The following SH3TC1 variants were observed in gnomAD, a reference collection of about 807,000 sequenced individuals.
SH3TC1 encodes the protein SH3 domain and tetratricopeptide repeats 1, also known as SH3 domain and tetratricopeptide repeat-containing protein 1.
Under a neutral mutation model 117.3 loss-of-function variants are expected in SH3TC1, and 135 were observed. The ratio of observed to expected loss-of-function variants is 1.15; its 90% CI spans 1.00 to 1.33. The LOEUF is 1.33. Among genes scored for constraint, SH3TC1 ranks in the 40% most tolerant of loss-of-function variants. The pLI, the probability that SH3TC1 is intolerant of heterozygous loss-of-function variation, is 0.00. For missense variants in SH3TC1, 2,092 were observed against 1,794.3 expected (o/e 1.17, Z -3.00); for synonymous variants, 898 against 816.9 (o/e 1.10, Z -1.69).
At position 8,237,593 on chromosome 4, in the gene SH3TC1, C is replaced by T; in HGVS notation, c.3676C>T (p.Leu1226=). 2 of 1,612,642 alleles carry T rather than the reference C, an allele frequency of 1.2e-6. No individual in the cohort carries two copies. Among genetic ancestry groups the T allele is most frequent in the East Asian group, 2.2e-5 (1 of 44,838 alleles). The change falls in exon 17 of 18, where the codon CTG becomes TTG. Residue 1226 remains leucine (L), a synonymous_variant. Transcript: ENST00000245105. ...LKALSLCNSP[L]EFDEETLYYV... Reference sequence around the variant, plus strand: ...GGCCCTGTCGCTCTGCAACTCGCCGCTGGAGTTTGACGAGGAGACCCTCTA... The same window carrying T: ...GGCCCTGTCGCTCTGCAACTCGCCGTTGGAGTTTGACGAGGAGACCCTCTA...
chr4:8,215,665 G>T (rs79069547), intron 5 of SH3TC1, among the ~76,000 whole-genome samples: 1 of 152,160 alleles, frequency 6.6e-6, no homozygotes, highest in African/African-American at 2.4e-5. Flanking sequence ...CAGACGAGAG[G>T]GGGGAGCTCG....
Position 8,240,789 on chromosome 4 carries a change from G to C in SH3TC1, c.3845G>C (p.Arg1282Pro). ...AAGGCACAGCTGAAGATCTACACGCGGCTGGCCACCATCTACCACAACTTC... is the reference window on the plus strand; with the variant it reads ...AAGGCACAGCTGAAGATCTACACGCCGCTGGCCACCATCTACCACAACTTC... ...NKKAQLKIYT[R>P]LATIYHNFLL... Residue 1282 changes from arginine to proline, a missense_variant, in exon 18 of 18, where the codon CGG becomes CCG. Physicochemically the swap from Arg to Pro is moderately radical, Grantham distance 103. Coordinates refer to ENST00000245105, the MANE Select transcript of SH3TC1 (RefSeq NM_018986.5). The C allele has an allele frequency of 6.2e-7, 1 of 1,614,110 alleles. No individual in the cohort carries two copies. Among genetic ancestry groups the C allele is most frequent in the African/African-American group, 1.3e-5 (1 of 75,060 alleles).
At position 8,236,165 on chromosome 4, in the gene SH3TC1, G is replaced by A. The variant is rs181554167; in HGVS notation, c.3406-113G>A. Reference sequence around the variant, plus strand: ...ATCTCAGAGCACACAGCTGTGTCGAGGCCCAGGGGTAGCTGGGGCGTGGGA... The same window carrying A: ...ATCTCAGAGCACACAGCTGTGTCGAAGCCCAGGGGTAGCTGGGGCGTGGGA... On this transcript the variant is annotated intron_variant, in intron 15 of 17. Transcript: ENST00000245105. 336 of 1,316,794 alleles carry A rather than the reference G, an allele frequency of 2.6e-4. 2 individuals carry two copies. The African/African-American group carries it at 4.7e-3, about 19-fold the overall frequency. The allele number at this position is 1,316,794 out of a possible 1,614,324, so 81.6% of individuals were successfully genotyped here. A position where few individuals can be genotyped will look rare whatever the true frequency, so the allele number is the denominator to read the frequency against.
intron 7 of SH3TC1, 145 bp downstream of exon 7, chr4:8,217,312 C>A: frequency 1.9e-6 from 2 of 1,051,008 alleles, no homozygotes; most frequent in Non-Finnish European, 2.8e-6. Flanking sequence ...TGCTTCCCAG[C>A]TGTGTGGCCT....
rs115593647 is a variant in SH3TC1 at position 8,214,045 on chromosome 4, C to T, written c.376-430C>T. 8.0e-3 allele frequency among the ~76,000 whole-genome samples: 1,211 copies of T among 152,192 alleles called. 21 individuals are homozygous for T. Among genetic ancestry groups the T allele is most frequent in the African/African-American group, 0.027 (1,123 of 41,506 alleles). ...CCTATCAACACTGATTAATAGAAAT[C>T]AGAGGAGAGGGGATGCTGGCGGGGG... On this transcript the variant is annotated intron_variant, in intron 4 of 17. Coordinates refer to ENST00000245105, the MANE Select transcript of SH3TC1 (RefSeq NM_018986.5).
chr4:8,233,738 TTCATCCATCCATCCATCCA>T (rs1180302430), intron 14 of SH3TC1, among the ~76,000 whole-genome samples: 3 of 101,478 alleles, frequency 3.0e-5, no homozygotes, highest in Non-Finnish European at 6.1e-5. Flanking sequence ...CATTCACCTG[TTCATCCATCCATCCATCCA>T]TCATCCATCC....
chr4:8,231,939 TG>T, intron 12 of SH3TC1, 36 bp from the exon 13 acceptor site: 1 of 1,603,204 alleles, frequency 6.2e-7, no homozygotes. Context: ...GCTTCAATGC[TG>T]GGAGGCTGAC....
In SH3TC1 at chr4:8,217,188, C is replaced by T. The variant is rs41266525; in HGVS notation, c.839+21C>T. ...CATCAGTAGGTACCGGCCTTTGCTGCTCTGAGAGCTGTTGGCCTCGCTGAG... is the reference window on the plus strand; with the variant it reads ...CATCAGTAGGTACCGGCCTTTGCTGTTCTGAGAGCTGTTGGCCTCGCTGAG... On this transcript the variant is annotated intron_variant, in intron 7 of 17. Transcript: ENST00000245105. The T allele has an allele frequency of 6.1e-3, 9,561 of 1,580,188 alleles. 47 individuals are homozygous for T. The highest frequency in any genetic ancestry group is 0.042 in the Middle Eastern group (241 of 5,774).
intron 1 of SH3TC1, among the ~76,000 whole-genome samples, chr4:8,187,070 G>A (rs1717241997): frequency 6.6e-6 from 1 of 152,004 alleles, no homozygotes; most frequent in African/African-American, 2.4e-5. Flanking sequence ...CTGCTCAAAT[G>A]TCACTGCCTC....
intron 17 of SH3TC1, among the ~76,000 whole-genome samples, chr4:8,240,216 T>C (rs1304724566): frequency 6.6e-6 from 1 of 152,136 alleles, no homozygotes; most frequent in Non-Finnish European, 1.5e-5. Flanking sequence ...GGCATCACAC[T>C]CCGTCAATAT....
chr4:8,218,339 C>A lies in SH3TC1; in HGVS notation c.908C>A (p.Pro303Gln). The change falls in exon 8 of 18, where the codon CCG (proline) becomes CAG (glutamine). Residue 303 changes from proline (P) to glutamine (Q), a missense_variant. Pro to Gln is a moderately conservative substitution (Grantham distance 76). Coordinates refer to ENST00000245105, the MANE Select transcript of SH3TC1 (RefSeq NM_018986.5). ...AMGGPVMPGN[P>Q]LMAVGLASAL... ...GGTGGCCCTGTGATGCCCGGCAACC[C>A]GCTGATGGGTAAGTGTTTCCATGGG... 6.2e-7 allele frequency: 1 copy of A among 1,610,262 alleles called. No individual in the cohort carries two copies. The highest frequency in any genetic ancestry group is 8.5e-7 in the Non-Finnish European group (1 of 1,177,014).
chr4:8,230,532 G>C (rs775346512), intron 12 of SH3TC1, among the ~76,000 whole-genome samples: 1 of 151,906 alleles, frequency 6.6e-6, no homozygotes, highest in Non-Finnish European at 1.5e-5. Context: ...CCCACCTTTG[G>C]GTCTGTTGAT....
intron 5 of SH3TC1, 21 bp downstream of exon 5, chr4:8,214,601 G>T (rs749397790): frequency 1.2e-6 from 2 of 1,604,844 alleles, no homozygotes; most frequent in Non-Finnish European, 1.7e-6. Context: ...GACCCTCCCA[G>T]AATTGGTCAT....
At chr4:8,237,024 G>A in intron 16 of SH3TC1, 1 of 172,398 alleles carries the variant, frequency 5.8e-6, no homozygotes, top group Non-Finnish European at 1.2e-5. Flanking sequence ...GGACACCGGA[G>A]ACAGCCTGGG....
upstream of SH3TC1, among the ~76,000 whole-genome samples, chr4:8,197,329 C>T (rs1044180353): frequency 1.1e-4 from 17 of 152,312 alleles, no homozygotes; most frequent in Admixed American, 2.0e-4. Flanking sequence ...TAAGAGATGA[C>T]ATTTCTGCTG....
chr4:8,213,954 AC>A (rs1018917331), intron 4 of SH3TC1, among the ~76,000 whole-genome samples: 22 of 151,082 alleles, frequency 1.5e-4, no homozygotes, highest in Non-Finnish European at 2.7e-4. Context: ...CTCTAATAGT[AC>A]CCCCCGACAC....
chr4:8,239,310 G>T (rs981557901), intron 17 of SH3TC1, among the ~76,000 whole-genome samples: 82 of 85,360 alleles, frequency 9.6e-4, no homozygotes, highest in African/African-American at 2.9e-3. Context: ...AGCACACACA[G>T]GCACAGGCAC....
intron 1 of SH3TC1, among the ~76,000 whole-genome samples, chr4:8,188,809 G>A (rs557764521): frequency 3.9e-5 from 6 of 152,342 alleles, no homozygotes; most frequent in African/African-American, 7.2e-5. Context: ...GTGGATGTTG[G>A]CCCAACAAGG....
At chr4:8,217,381 A>G (rs1719406646) in intron 7 of SH3TC1, among the ~76,000 whole-genome samples, 1 of 152,370 alleles carries the variant, frequency 6.6e-6, no homozygotes, top group South Asian at 2.1e-4. Flanking sequence ...TAGGCCAATG[A>G]CATCCACTTG....
Sources: gnomAD v4.1 joint callset for allele counts (sites outside exome capture counted in the v4.1 genomes callset) on GRCh38, gnomAD v4.1.1 for gene constraint, MANE v1.5 for transcripts, NCBI Gene and HGNC (gene_info 2026-07-23, HGNC 2026-07-21) for gene names.